MLLT3: variants seen among roughly 807,000 people sequenced by gnomAD.
MLLT3 encodes the protein MLLT3 super elongation complex subunit.
Under a neutral mutation model 53.2 loss-of-function variants are expected in MLLT3, and 4 were observed. That is an observed-to-expected ratio of 0.08 (90% CI 0.04 to 0.17). The LOEUF is 0.17. Among genes scored for constraint, MLLT3 ranks in the 10% least tolerant of loss-of-function variants. The pLI is 1.00. For synonymous variants in MLLT3, 283 were observed against 230.6 expected, an observed-to-expected ratio of 1.23 and a Z score of -2.06; for missense variants, 569 against 684.0, an observed-to-expected ratio of 0.83 and a Z score of 1.87.
chr9:20,513,411 AGAG>A (rs1817812326), intron 2 of MLLT3, among the ~76,000 whole-genome samples: 1 of 152,188 alleles, frequency 6.6e-6, no homozygotes, highest in South Asian at 2.1e-4. Flanking sequence ...CAAATTGGTG[AGAG>A]GAGGAGTACC....
chr9:20,371,746 A>G (rs1821607883), intron 5 of MLLT3, among the ~76,000 whole-genome samples: 1 of 152,228 alleles, frequency 6.6e-6, no homozygotes, highest in Non-Finnish European at 1.5e-5. Context: ...CTGCTAATAC[A>G]TCTATTCTGT....
chr9:20,448,110 G>T lies in MLLT3; in HGVS notation c.420+13C>A. ...TTTAATAGGAATGCTTTTCACAAGA[G>T]AGTGCCACTTACCCCTCCTGCCTTC... On this transcript the variant is annotated intron_variant, in intron 4 of 10. Transcript: ENST00000380338. The surrounding 1 kb of genome is among the most constrained non-coding windows in gnomAD (Gnocchi z 4.0). The T allele has an allele frequency of 6.2e-7, 1 of 1,604,166 alleles. No homozygotes were observed. Among genetic ancestry groups the T allele is most frequent in the Non-Finnish European group, 8.5e-7 (1 of 1,176,136 alleles).
intron 2 of MLLT3, among the ~76,000 whole-genome samples, chr9:20,531,415 T>C (rs1048741120): frequency 6.6e-6 from 1 of 152,196 alleles, no homozygotes; most frequent in African/African-American, 2.4e-5. Context: ...GGATTACAGG[T>C]GTGAGCCACT....
At chr9:20,385,326 T>A (rs1035702571) in intron 5 of MLLT3, among the ~76,000 whole-genome samples, 1 of 151,984 alleles carries the variant, frequency 6.6e-6, no homozygotes, top group Non-Finnish European at 1.5e-5. Context: ...GTAAGCAATA[T>A]CCCAGGAAAA....
chr9:20,477,414 C>G (rs1824552122), intron 2 of MLLT3, among the ~76,000 whole-genome samples: 1 of 152,058 alleles, frequency 6.6e-6, no homozygotes, highest in Non-Finnish European at 1.5e-5. Context: ...CTAACAAACT[C>G]TGATGCAGCC....
chr9:20,427,184 C>T (rs564118722), intron 4 of MLLT3, among the ~76,000 whole-genome samples: 1 of 151,282 alleles, frequency 6.6e-6, no homozygotes, highest in South Asian at 2.1e-4. Flanking sequence ...CAAATGCAGA[C>T]TATAAATAAC....
intron 10 of MLLT3, among the ~76,000 whole-genome samples, chr9:20,352,907 G>A (rs1387992551): frequency 6.6e-6 from 1 of 152,004 alleles, no homozygotes; most frequent in African/African-American, 2.4e-5. Flanking sequence ...TAGTGCAACA[G>A]AGGCATACAT....
intron 3 of MLLT3, among the ~76,000 whole-genome samples, chr9:20,449,754 C>T (rs116642587): frequency 6.6e-6 from 1 of 152,188 alleles, no homozygotes; most frequent in South Asian, 2.1e-4. Context: ...TACAATCTGA[C>T]ATGAAATCTA....
At chr9:20,470,537 C>G (rs115741090) in intron 2 of MLLT3, among the ~76,000 whole-genome samples, 1,835 of 152,046 alleles carry the variant, frequency 0.012, 47 homozygotes, top group African/African-American at 0.042. Context: ...ATGCCATGCC[C>G]AGGAGTAAAT....
At chr9:20,516,264 C>G (rs1817916645) in intron 2 of MLLT3, among the ~76,000 whole-genome samples, 1 of 152,222 alleles carries the variant, frequency 6.6e-6, no homozygotes, top group South Asian at 2.1e-4. Flanking sequence ...ACAACCAGCA[C>G]AAACGATATT....
chr9:20,569,684 G>A (rs1402015976), intron 2 of MLLT3, among the ~76,000 whole-genome samples: 1 of 152,124 alleles, frequency 6.6e-6, no homozygotes, highest in Non-Finnish European at 1.5e-5. Flanking sequence ...AGAACACCCA[G>A]TTCTAAAGGT....
At chr9:20,366,998 A>C (rs111957115) in intron 5 of MLLT3, among the ~76,000 whole-genome samples, 2 of 152,242 alleles carry the variant, frequency 1.3e-5, no homozygotes, top group Non-Finnish European at 2.9e-5. Context: ...CAAGGCCATG[A>C]CCCAACCCTA....
Position 20,487,389 on chromosome 9 carries a change from G to A in MLLT3, c.194-30603C>T, listed in dbSNP as rs149121620. On this transcript the variant is annotated intron_variant, in intron 2 of 10. Transcript: ENST00000380338. ...GAAATTCTATTTATGCCCAACATAT[G>A]ATTAAGTTATTTACAAAATAAATTA... Among the ~76,000 whole-genome samples, 359 of 152,198 alleles carry A rather than the reference G, an allele frequency of 2.4e-3. 2 individuals are homozygous for A. Among genetic ancestry groups the A allele is most frequent in the African/African-American group, 8.1e-3 (337 of 41,540 alleles).
intron 2 of MLLT3, among the ~76,000 whole-genome samples, chr9:20,524,932 G>A (rs1462424917): frequency 6.6e-6 from 1 of 152,040 alleles, no homozygotes; most frequent in Non-Finnish European, 1.5e-5. Flanking sequence ...AGTCAGAAGG[G>A]AGCAGGAACC....
intron 4 of MLLT3, among the ~76,000 whole-genome samples, chr9:20,415,113 A>AC (rs1563957256): frequency 6.6e-6 from 1 of 151,848 alleles, no homozygotes; most frequent in Non-Finnish European, 1.5e-5. Flanking sequence ...GAATCATAAA[A>AC]CCCCCCCAAA....
At chr9:20,446,033 A>T (rs1005037345) in intron 4 of MLLT3, among the ~76,000 whole-genome samples, 2 of 152,164 alleles carry the variant, frequency 1.3e-5, no homozygotes, top group Non-Finnish European at 2.9e-5. Context: ...AAGCCAAAAG[A>T]TGTTTATTAG....
intron 2 of MLLT3, among the ~76,000 whole-genome samples, chr9:20,546,265 AAG>A (rs1818786306): frequency 1.3e-5 from 2 of 152,226 alleles, no homozygotes; most frequent in South Asian, 4.1e-4. Flanking sequence ...ATGTAATTTA[AAG>A]TTTTCCCATT....
chr9:20,509,546 A>G (rs972477003), intron 2 of MLLT3, among the ~76,000 whole-genome samples: 3 of 152,154 alleles, frequency 2.0e-5, no homozygotes, highest in Non-Finnish European at 1.5e-5. Flanking sequence ...CTTTCTCCTA[A>G]GCATTAATAT....
chr9:20,574,087 C>T (rs1271714633), intron 2 of MLLT3, among the ~76,000 whole-genome samples: 1 of 152,046 alleles, frequency 6.6e-6, no homozygotes, highest in Admixed American at 6.6e-5. Context: ...TGCAGATTGC[C>T]GGGTTCTGGA....
Sources: gnomAD v4.1 joint callset for allele counts (sites outside exome capture counted in the v4.1 genomes callset) on GRCh38, gnomAD v4.1.1 for gene constraint, Gnocchi (gnomAD v3.1) non-coding constraint, MANE v1.5 for transcripts, NCBI Gene and HGNC (gene_info 2026-07-23, HGNC 2026-07-21) for gene names.